The following SOCS2 variants were observed in gnomAD, a reference collection of about 807,000 sequenced individuals.
The protein encoded by SOCS2 is suppressor of cytokine signaling 2.
A neutral mutation model predicts 18.6 loss-of-function variants in SOCS2; 10 were observed. The ratio of observed to expected loss-of-function variants is 0.54; its 90% CI spans 0.33 to 0.91. The LOEUF is 0.91. Ranked by LOEUF, SOCS2 falls within the 40% of genes least tolerant of loss-of-function variation. The pLI is 0.02. For synonymous variants in SOCS2, 104 were observed against 104.0 expected (o/e 1.00, Z 0.00); for missense variants, 231 against 247.2 (o/e 0.93, Z 0.44).
chr12:93,600,657 C>T, the SOCS2 span, among the ~76,000 whole-genome samples: 1 of 149,956 alleles, frequency 6.7e-6, no homozygotes, highest in African/African-American at 2.5e-5. Context: ...CTCAATCAAG[C>T]TTCACTTCAT....
At chr12:93,606,323 A>T in the SOCS2 span, among the ~76,000 whole-genome samples, 1 of 152,220 alleles carries the variant, frequency 6.6e-6, no homozygotes, top group Admixed American at 6.5e-5. Context: ...AAGTGCCACA[A>T]GTGGATAGTT....
At chr12:93,614,932 T>C in the SOCS2 span, among the ~76,000 whole-genome samples, 1 of 149,722 alleles carries the variant, frequency 6.7e-6, no homozygotes, top group African/African-American at 2.5e-5. Context: ...GTAGCAATTT[T>C]CTATTTAAAA....
At chr12:93,607,605 C>G in the SOCS2 span, among the ~76,000 whole-genome samples, 1 of 152,166 alleles carries the variant, frequency 6.6e-6, no homozygotes, top group Non-Finnish European at 1.5e-5. Context: ...GGCATTCACT[C>G]CTGACAGCAA....
At chr12:93,611,261 G>A in the SOCS2 span, among the ~76,000 whole-genome samples, 2 of 152,008 alleles carry the variant, frequency 1.3e-5, no homozygotes, top group Admixed American at 6.6e-5. Flanking sequence ...GACAGGAGAC[G>A]GAGTCTCACT....
the SOCS2 span, among the ~76,000 whole-genome samples, chr12:93,594,741 G>A: frequency 6.6e-6 from 1 of 152,238 alleles, no homozygotes; most frequent in South Asian, 2.1e-4. Flanking sequence ...GTTATGTAAG[G>A]GAGTTTGTCA....
At chr12:93,618,765 A>C in the SOCS2 span, among the ~76,000 whole-genome samples, 1 of 151,884 alleles carries the variant, frequency 6.6e-6, no homozygotes, top group Admixed American at 6.5e-5. Context: ...CACTGTATCC[A>C]AAGCTATTAT....
At chr12:93,622,986 A>G in the SOCS2 span, among the ~76,000 whole-genome samples, 1 of 152,354 alleles carries the variant, frequency 6.6e-6, no homozygotes, top group African/African-American at 2.4e-5. Context: ...TCAAAGTAGC[A>G]TGATAACTTT....
chr12:93,624,463 T>C, the SOCS2 span, among the ~76,000 whole-genome samples: 1 of 151,638 alleles, frequency 6.6e-6, no homozygotes, highest in Non-Finnish European at 1.5e-5. Context: ...TCCCAGCTAC[T>C]AGGGAGGCTG....
chr12:93,593,842 T>C, the SOCS2 span, among the ~76,000 whole-genome samples: 1 of 152,176 alleles, frequency 6.6e-6, no homozygotes, highest in African/African-American at 2.4e-5. Context: ...ATAAAATAAA[T>C]TTCCCATTTA....
At chr12:93,616,880 C>T in the SOCS2 span, among the ~76,000 whole-genome samples, 6 of 152,200 alleles carry the variant, frequency 3.9e-5, no homozygotes, top group Admixed American at 6.5e-5. Context: ...TGTTTCTTCT[C>T]GATTAATGAA....
Position 93,574,737 on chromosome 12 carries a change from G to A in SOCS2, c.155G>A (p.Ser52Asn), listed in dbSNP as rs3741676. 4.2e-4 allele frequency: 675 copies of A among 1,612,068 alleles called. 6 individuals carry two copies. The East Asian group carries it at 0.013, about 32-fold the overall frequency. ...ELGQTGWYWG[S>N]MTVNEAKEKL... is the part of the protein sequence containing the mutation. ...AAAACCCCAGGATGGTACTGGGGAA[G>A]TATGACTGTTAATGAAGCCAAAGAG... The change falls in exon 2 of 2, where the codon AGT becomes AAT. Residue 52 changes from serine (S) to asparagine (N), a missense_variant. Ser to Asn is a conservative substitution (Grantham distance 46). Transcript: ENST00000551556.
the SOCS2 span, among the ~76,000 whole-genome samples, chr12:93,592,219 G>A: frequency 6.6e-6 from 1 of 152,020 alleles, no homozygotes; most frequent in Non-Finnish European, 1.5e-5. Flanking sequence ...TATACTTTCT[G>A]CTCTGCAATT....
At chr12:93,625,216 C>A in the SOCS2 span, among the ~76,000 whole-genome samples, 50 of 152,088 alleles carry the variant, frequency 3.3e-4, no homozygotes, top group African/African-American at 1.2e-3. Context: ...CTCACCAGTT[C>A]TTTTATTTAT....
chr12:93,615,183 A>C, the SOCS2 span, among the ~76,000 whole-genome samples: 1 of 152,128 alleles, frequency 6.6e-6, no homozygotes, highest in Non-Finnish European at 1.5e-5. Flanking sequence ...TGAATTGTTC[A>C]TCAGTGATCT....
the SOCS2 span, among the ~76,000 whole-genome samples, chr12:93,620,289 T>G: frequency 6.6e-6 from 1 of 152,264 alleles, no homozygotes; most frequent in Non-Finnish European, 1.5e-5. Flanking sequence ...GGTAGTCTAA[T>G]AGTCAATTCT....
At chr12:93,574,080 T>C (rs1954370185) in intron 1 of SOCS2, 1 of 152,240 alleles carries the variant, frequency 6.6e-6, no homozygotes, top group African/African-American at 2.4e-5. Context: ...TCCCATTTCT[T>C]AGTGACTGGT....
downstream of SOCS2, among the ~76,000 whole-genome samples, chr12:93,581,414 A>AT (rs1211640539): frequency 0.025 from 3,651 of 144,642 alleles, 55 homozygotes; most frequent in African/African-American, 0.032. Flanking sequence ...TCAAGGAATG[A>AT]TTTTTTTTTT....
the SOCS2 span, among the ~76,000 whole-genome samples, chr12:93,613,513 G>A: frequency 0.029 from 4,446 of 152,230 alleles, 98 homozygotes; most frequent in Non-Finnish European, 0.044. Flanking sequence ...GCTGCATACT[G>A]TCTCCGAGCC....
the SOCS2 span, among the ~76,000 whole-genome samples, chr12:93,614,397 CT>C: frequency 7.1e-6 from 1 of 141,134 alleles, no homozygotes; most frequent in East Asian, 2.0e-4. Flanking sequence ...TTCTTTCTTT[CT>C]TTCTTTCTTT....
Sources: allele counts gnomAD v4.1 joint callset (sites outside exome capture counted in the v4.1 genomes callset), GRCh38; gene constraint gnomAD v4.1.1; transcripts MANE v1.5; gene names NCBI Gene and HGNC (gene_info 2026-07-23, HGNC 2026-07-21).